Variants in PATL1 observed in about 807,000 individuals in gnomAD.
The protein encoded by PATL1 is PAT1 homolog 1, processing body mRNA decay factor, also known as protein PAT1 homolog 1.
In PATL1, 32 loss-of-function variants were observed where a neutral mutation model predicts 100.6. The ratio of observed to expected loss-of-function variants is 0.32; its 90% CI spans 0.24 to 0.43. The LOEUF is 0.43. PATL1 is among the 20% of genes least tolerant of loss of function. The pLI is 1.00. For synonymous variants in PATL1, 332 were observed against 330.0 expected (o/e 1.01, Z -0.07); for missense variants, 747 against 949.9 (o/e 0.79, Z 2.81).
At chr11:59,648,570 T>TA (rs1297294013) in intron 14 of PATL1, among the ~76,000 whole-genome samples, 1 of 151,964 alleles carries the variant, frequency 6.6e-6, no homozygotes, top group Non-Finnish European at 1.5e-5. Context: ...CAGAGTTAAT[T>TA]AGTGTTACCA....
intron 15 of PATL1, among the ~76,000 whole-genome samples, chr11:59,645,377 CT>C (rs1418225924): frequency 6.9e-6 from 1 of 144,246 alleles, no homozygotes; most frequent in Admixed American, 7.1e-5. Context: ...GTGCCCCTCA[CT>C]TCCCCCCCCA....
chr11:59,660,268 T>A (rs1166115746), intron 2 of PATL1, among the ~76,000 whole-genome samples: 1 of 152,234 alleles, frequency 6.6e-6, no homozygotes, highest in Non-Finnish European at 1.5e-5. Context: ...TGACAAGCCC[T>A]GTTTTAGACG....
chr11:59,643,065 C>T (rs1449923951), intron 15 of PATL1, 30 bp from the exon 16 acceptor site: 1 of 1,605,572 alleles, frequency 6.2e-7, no homozygotes, highest in South Asian at 1.1e-5. Context: ...GCATTATATC[C>T]TGGCACGTGT....
chr11:59,650,750 T>C lies in PATL1; in HGVS notation c.1584+4A>G. On this transcript the variant is annotated splice_donor_region_variant and intron_variant, in intron 13 of 18. Transcript: ENST00000300146. ...CTAACTACAGCAACAAATTCTAAAC[T>C]TACTTTCTCAATTATAACAAGGGTT... 6.5e-7 allele frequency: 1 copy of C among 1,546,956 alleles called. No individual in the cohort carries two copies. The highest frequency in any genetic ancestry group is 8.7e-7 in the Non-Finnish European group (1 of 1,142,990).
At chr11:59,645,635 G>A (rs1211660566) in intron 15 of PATL1, among the ~76,000 whole-genome samples, 1 of 151,946 alleles carries the variant, frequency 6.6e-6, no homozygotes, top group Non-Finnish European at 1.5e-5. Context: ...GTGGGTTGAT[G>A]GCCTAGTAGT....
intron 16 of PATL1, chr11:59,642,630 A>G: frequency 2.9e-6 from 1 of 345,634 alleles, no homozygotes; most frequent in East Asian, 5.0e-5. Flanking sequence ...CAGAGGAAAA[A>G]AAGTGAAAAA....
intron 8 of PATL1, among the ~76,000 whole-genome samples, chr11:59,655,228 C>T (rs1861510883): frequency 1.3e-5 from 2 of 152,192 alleles, no homozygotes; most frequent in Non-Finnish European, 2.9e-5. Flanking sequence ...GAAACAGGAA[C>T]TTGAACCCCT....
At chr11:59,659,591 G>A in intron 2 of PATL1, 122 bp from the exon 3 acceptor site, 4 of 893,230 alleles carry the variant, frequency 4.5e-6, no homozygotes, top group Non-Finnish European at 6.7e-6. Flanking sequence ...CAGTGCAGTG[G>A]CGTGATCTCG....
At chr11:59,662,840 G>A (rs1861643893) in intron 2 of PATL1, among the ~76,000 whole-genome samples, 1 of 152,014 alleles carries the variant, frequency 6.6e-6, no homozygotes, top group Non-Finnish European at 1.5e-5. Context: ...TATCAAATAT[G>A]GATAATCTAT....
intron 15 of PATL1, among the ~76,000 whole-genome samples, chr11:59,647,358 C>A (rs1254892417): frequency 6.6e-6 from 1 of 151,800 alleles, no homozygotes. Flanking sequence ...GCAAAATAAC[C>A]AAGACTATAA....
chr11:59,650,506 T>C (rs1056785306), intron 13 of PATL1, among the ~76,000 whole-genome samples: 4 of 152,222 alleles, frequency 2.6e-5, no homozygotes, highest in African/African-American at 9.6e-5. Context: ...GTTAACTGAA[T>C]AAGCTTGGAC....
At chr11:59,639,478 C>A in intron 16 of PATL1, 95 bp from the exon 17 acceptor site, 1 of 936,280 alleles carries the variant, frequency 1.1e-6, no homozygotes, top group Non-Finnish European at 1.6e-6. Context: ...GGGAACAGCT[C>A]TAAATCAAAA....
At chr11:59,663,900 A>G (rs1861656403) in intron 2 of PATL1, among the ~76,000 whole-genome samples, 1 of 152,190 alleles carries the variant, frequency 6.6e-6, no homozygotes, top group Non-Finnish European at 1.5e-5. Flanking sequence ...CCAGCTTTAT[A>G]TCAACCTGCA....
intron 16 of PATL1, 37 bp from the exon 17 acceptor site, chr11:59,639,420 G>C: frequency 6.8e-7 from 1 of 1,480,678 alleles, no homozygotes; most frequent in Non-Finnish European, 9.2e-7. Context: ...ACTCAACACT[G>C]TGTCTAAACC....
At chr11:59,641,076 CAGG>C (rs1266813202) in intron 16 of PATL1, among the ~76,000 whole-genome samples, 1 of 151,924 alleles carries the variant, frequency 6.6e-6, no homozygotes, top group Non-Finnish European at 1.5e-5. Context: ...GGGGCTGACG[CAGG>C]AGAACTGCTT....
At position 59,657,636 on chromosome 11, in the gene PATL1, G is replaced by A; in HGVS notation, c.515C>T (p.Ala172Val). The A allele has an allele frequency of 6.2e-7, 1 of 1,613,476 alleles. No homozygotes were observed. The highest frequency in any genetic ancestry group is 8.5e-7 in the Non-Finnish European group (1 of 1,179,778). Residue 172 changes from alanine (A) to valine (V), a missense_variant, in exon 5 of 19, where the codon GCA becomes GTA. Ala to Val is a moderately conservative substitution (Grantham distance 64). Transcript: ENST00000300146. The part of the protein sequence containing the change: ...PEDDRDLSER[A>V]LPRRSTSPII... ...AGGTGAAGTTGACCGCCTTGGTAAT[G>A]CTCGTTCAGAAAGGTCCCGATCATC...
chr11:59,663,618 C>T (rs1158529805), intron 2 of PATL1, among the ~76,000 whole-genome samples: 2 of 152,112 alleles, frequency 1.3e-5, no homozygotes, highest in Non-Finnish European at 2.9e-5. Flanking sequence ...GTGCCTAGCA[C>T]ATAATAAGCA....
intron 13 of PATL1, among the ~76,000 whole-genome samples, chr11:59,650,300 C>G (rs1861423533): frequency 6.6e-6 from 1 of 152,202 alleles, no homozygotes; most frequent in African/African-American, 2.4e-5. Context: ...TCCATACTTT[C>G]AACCACTATG....
chr11:59,659,325 C>T lies in PATL1; in HGVS notation c.272G>A (p.Ser91Asn), dbSNP rs12418817. Residue 91 changes from serine (S) to asparagine (N), a missense_variant, in exon 3 of 19, where the codon AGT becomes AAT. This residue lies in a region of PATL1 where 183 missense variants were observed against 221.2 expected (regional missense o/e 0.83). Coordinates refer to ENST00000300146, the MANE Select transcript of PATL1 (RefSeq NM_152716.3). ...DHEENLAERL[S>N]KMVIENELED... is the part of the protein sequence containing the mutation. ...TAGTTCATTTTCAATCACCATCTTA[C>T]TGAGCCTTTCTGCCAGATTCTCCTC... 4.6e-5 allele frequency: 71 copies of T among 1,551,320 alleles called. No homozygotes were observed. The highest frequency in any genetic ancestry group is 6.2e-5 in the Non-Finnish European group (71 of 1,146,824).
Sources: allele counts gnomAD v4.1 joint callset (sites outside exome capture counted in the v4.1 genomes callset), GRCh38; gene constraint gnomAD v4.1.1; regional missense constraint gnomAD v4.1.1; transcripts MANE v1.5; gene names NCBI Gene and HGNC (gene_info 2026-07-23, HGNC 2026-07-21).